The following SGPP2 variants were observed in gnomAD, a reference collection of about 807,000 sequenced individuals.
SGPP2 encodes the protein sphingosine 1-phosphate phosphohydrolase 2.
SGPP2 carries 30 observed loss-of-function variants against 33.9 expected under a neutral mutation model. The ratio of observed to expected loss-of-function variants is 0.89; its 90% CI spans 0.66 to 1.20. The LOEUF (loss-of-function observed/expected upper bound fraction) is 1.20, where lower values mean the gene tolerates loss of function less well. SGPP2 is among the 50% of genes most tolerant of loss of function. The pLI is 0.00. For missense variants in SGPP2, 458 were observed against 532.1 expected, an observed-to-expected ratio of 0.86 and a Z score of 1.37; for synonymous variants, 233 against 225.0, an observed-to-expected ratio of 1.04 and a Z score of -0.32.
intron 1 of SGPP2, among the ~76,000 whole-genome samples, chr2:222,454,634 G>A (rs1697543321): frequency 6.6e-6 from 1 of 151,768 alleles, no homozygotes; most frequent in Non-Finnish European, 1.5e-5. Context: ...TCTTAGACTT[G>A]ACAAGCAGGC....
chr2:222,484,251 C>T (rs575783493), intron 2 of SGPP2, among the ~76,000 whole-genome samples: 6 of 152,188 alleles, frequency 3.9e-5, no homozygotes, highest in African/African-American at 7.2e-5. Flanking sequence ...CACATTCTTC[C>T]GTCCCTCTCT....
chr2:222,429,824 C>T (rs185204858), intron 1 of SGPP2, among the ~76,000 whole-genome samples: 1 of 152,290 alleles, frequency 6.6e-6, no homozygotes, highest in Admixed American at 6.5e-5. Flanking sequence ...CCGAATTGCC[C>T]TACAGGAAGA....
intron 2 of SGPP2, among the ~76,000 whole-genome samples, chr2:222,480,172 G>A (rs552483410): frequency 2.0e-4 from 30 of 152,256 alleles, no homozygotes; most frequent in African/African-American, 7.2e-4. Context: ...TTATATTTCT[G>A]TATCTTTAAA....
chr2:222,475,038 A>G (rs1697909945), intron 2 of SGPP2, among the ~76,000 whole-genome samples: 1 of 152,150 alleles, frequency 6.6e-6, no homozygotes, highest in Non-Finnish European at 1.5e-5. Flanking sequence ...AGTCTTACAA[A>G]GGTGGTTTTC....
intron 1 of SGPP2, among the ~76,000 whole-genome samples, chr2:222,444,432 A>G (rs556900804): frequency 4.6e-4 from 70 of 152,166 alleles, no homozygotes; most frequent in African/African-American, 1.5e-3. Flanking sequence ...AAATTTTTAG[A>G]GAGTTTCTTA....
chr2:222,545,153 T>C (rs1332158973), intron 4 of SGPP2, among the ~76,000 whole-genome samples: 1 of 152,230 alleles, frequency 6.6e-6, no homozygotes, highest in African/African-American at 2.4e-5. Flanking sequence ...CTCTACTTTT[T>C]CCACTGGTAC....
At chr2:222,515,033 A>G (rs1698583384) in intron 2 of SGPP2, among the ~76,000 whole-genome samples, 1 of 151,912 alleles carries the variant, frequency 6.6e-6, no homozygotes. Flanking sequence ...AAAAAAAAAA[A>G]AGAAACCACA....
At chr2:222,462,543 A>G (rs1012151235) in intron 1 of SGPP2, among the ~76,000 whole-genome samples, 4 of 152,222 alleles carry the variant, frequency 2.6e-5, no homozygotes, top group Admixed American at 2.6e-4. Flanking sequence ...AGCTCAGCCA[A>G]AAGAATGGTC....
intron 4 of SGPP2, among the ~76,000 whole-genome samples, chr2:222,544,800 AAAAG>A (rs57876399): frequency 0.039 from 5,985 of 152,248 alleles, 192 homozygotes; most frequent in African/African-American, 0.083. Flanking sequence ...ATCTTTTTAA[AAAAG>A]AAAGTTACAG....
chr2:222,529,843 GATCT>G (rs1266162549), intron 4 of SGPP2, among the ~76,000 whole-genome samples: 17 of 152,138 alleles, frequency 1.1e-4, no homozygotes, highest in African/African-American at 4.1e-4. Context: ...ACTTTGTCCA[GATCT>G]ATCAGAGGAA....
At chr2:222,433,350 G>A (rs374622583) in intron 1 of SGPP2, among the ~76,000 whole-genome samples, 18 of 152,148 alleles carry the variant, frequency 1.2e-4, no homozygotes, top group African/African-American at 4.1e-4. Flanking sequence ...TGGGGATCTC[G>A]CAGTGCAACC....
intron 2 of SGPP2, among the ~76,000 whole-genome samples, chr2:222,518,602 C>A (rs756825788): frequency 6.6e-6 from 1 of 152,104 alleles, no homozygotes; most frequent in African/African-American, 2.4e-5. Flanking sequence ...TTTTTCAACT[C>A]CCCAGATAAT....
intron 1 of SGPP2, among the ~76,000 whole-genome samples, chr2:222,429,962 A>G (rs1472418677): frequency 6.6e-6 from 1 of 152,198 alleles, no homozygotes; most frequent in African/African-American, 2.4e-5. Flanking sequence ...TGCTTTCTTC[A>G]TTTCCAGTCA....
chr2:222,499,491 G>A (rs1164508002), intron 2 of SGPP2, among the ~76,000 whole-genome samples: 1 of 152,212 alleles, frequency 6.6e-6, no homozygotes, highest in Non-Finnish European at 1.5e-5. Context: ...TGTTTAGAAG[G>A]AGAGTCATCT....
At position 222,558,453 on chromosome 2, in the gene SGPP2, G is replaced by A. The variant is rs1270724821; in HGVS notation, c.755G>A (p.Cys252Tyr). The change falls in exon 5 of 5, where the codon TGT becomes TAT. Residue 252 changes from cysteine (C) to tyrosine (Y), a missense_variant. Physicochemically the swap from Cys to Tyr is radical, Grantham distance 194 (BLOSUM62 -2). Coordinates refer to ENST00000321276, the MANE Select transcript of SGPP2 (RefSeq NM_152386.4). ...LDSASPLFPVCVIVVPFFLCY... is the reference protein window; with the variant it reads ...LDSASPLFPVYVIVVPFFLCY... ...TCGGCCAGCCCCCTCTTCCCCGTGT[G>A]TGTCATAGTTGTGCCATTCTTCCTG... is the stretch of plus-strand genomic sequence containing the variant. The A allele has an allele frequency of 5.6e-6, 9 of 1,614,160 alleles. No homozygotes were observed. The highest frequency in any genetic ancestry group is 1.7e-5 in the Admixed American group (1 of 60,024).
At chr2:222,500,525 T>C (rs182909659) in intron 2 of SGPP2, among the ~76,000 whole-genome samples, 23 of 152,324 alleles carry the variant, frequency 1.5e-4, no homozygotes, top group African/African-American at 4.6e-4. Context: ...TGTTGGCAGT[T>C]GTTTGGAAAG....
intron 4 of SGPP2, among the ~76,000 whole-genome samples, chr2:222,534,038 C>T (rs56187385): frequency 0.023 from 3,568 of 152,210 alleles, 76 homozygotes; most frequent in Non-Finnish European, 0.033. Context: ...TAAAGTGCCT[C>T]CTGGCATCAG....
At chr2:222,509,143 C>T (rs1698488346) in intron 2 of SGPP2, among the ~76,000 whole-genome samples, 1 of 151,890 alleles carries the variant, frequency 6.6e-6, no homozygotes, top group African/African-American at 2.4e-5. Flanking sequence ...AAAAAAAAGA[C>T]TGAACATTGA....
rs1256546130 is a variant in SGPP2 at position 222,562,419 on chromosome 2, G to A, written c.*3521G>A. Among the ~76,000 whole-genome samples, 3 of 152,116 alleles carry A rather than the reference G, an allele frequency of 2.0e-5. No individual in the cohort carries two copies. Among genetic ancestry groups the A allele is most frequent in the East Asian group, 1.9e-4 (1 of 5,192 alleles). ...TTACTCCAAAACGTGCCCAGTGATC[G>A]CACTGTAACATGGGATTTTCTCACC... On this transcript the variant is annotated 3_prime_UTR_variant, in exon 5 of 5. Coordinates refer to ENST00000321276, the MANE Select transcript of SGPP2 (RefSeq NM_152386.4).
Sources: allele counts gnomAD v4.1 joint callset (sites outside exome capture counted in the v4.1 genomes callset), GRCh38; gene constraint gnomAD v4.1.1; transcripts MANE v1.5; gene names NCBI Gene and HGNC (gene_info 2026-07-23, HGNC 2026-07-21).